KCNMB2: variants seen among roughly 807,000 people sequenced by gnomAD.
KCNMB2 encodes potassium calcium-activated channel subfamily M regulatory beta subunit 2, also known as calcium-activated potassium channel subunit beta-2.
In KCNMB2, 9 loss-of-function variants were observed where a neutral mutation model predicts 24.5. That is an observed-to-expected ratio of 0.37 (90% CI 0.22 to 0.64). The LOEUF (loss-of-function observed/expected upper bound fraction) is 0.64, where lower values mean the gene tolerates loss of function less well. KCNMB2 is among the 30% of genes least tolerant of loss of function. The pLI is 0.63. For synonymous variants in KCNMB2, 109 were observed against 104.4 expected, an observed-to-expected ratio of 1.04 and a Z score of -0.27; for missense variants, 226 against 284.3, an observed-to-expected ratio of 0.79 and a Z score of 1.47.
intron 1 of KCNMB2, among the ~76,000 whole-genome samples, chr3:178,807,104 C>A (rs1714000868): frequency 2.0e-5 from 3 of 152,136 alleles, no homozygotes; most frequent in Admixed American, 1.3e-4. Context: ...TCTCCTAAGG[C>A]AGTAATTCTC....
At chr3:178,838,402 C>T (rs1437503664) in intron 4 of KCNMB2, among the ~76,000 whole-genome samples, 1 of 152,140 alleles carries the variant, frequency 6.6e-6, no homozygotes, top group Non-Finnish European at 1.5e-5. Flanking sequence ...AATGTATTCA[C>T]ATTTATTCTT....
chr3:178,632,990 T>A lies in KCNMB2; in HGVS notation c.-68+96279T>A, dbSNP rs1719376770. On this transcript the variant is annotated intron_variant, in intron 1 of 4. Transcript: ENST00000452583. ...AGTCCAAAATCCAATAGGGCAATCA[T>A]TAAACCTTAAAGTTACAAAATGATC... Among the ~76,000 whole-genome samples, 4 of 152,320 alleles carry A rather than the reference T, an allele frequency of 2.6e-5. No homozygotes were observed. The South Asian group carries it at 8.3e-4, about 32-fold the overall frequency.
intron 1 of KCNMB2, among the ~76,000 whole-genome samples, chr3:178,759,249 A>C (rs114119477): frequency 0.19 from 20,444 of 108,558 alleles, 2,902 homozygotes; most frequent in Middle Eastern, 0.3. Context: ...ATATATATAT[A>C]TCTCTCCAAG....
At chr3:178,545,548 C>T (rs943395315) in intron 1 of KCNMB2, among the ~76,000 whole-genome samples, 4 of 152,184 alleles carry the variant, frequency 2.6e-5, no homozygotes, top group Non-Finnish European at 5.9e-5. Context: ...GAGAATCATT[C>T]CGGACATGCT....
chr3:178,838,011 C>T (rs1715295019), intron 4 of KCNMB2, among the ~76,000 whole-genome samples: 1 of 152,178 alleles, frequency 6.6e-6, no homozygotes, highest in African/African-American at 2.4e-5. Context: ...CTACTATAAA[C>T]TATCTTGGCA....
intron 1 of KCNMB2, among the ~76,000 whole-genome samples, chr3:178,658,994 T>TGG (rs1235846938): frequency 6.6e-6 from 1 of 152,220 alleles, no homozygotes; most frequent in East Asian, 1.9e-4. Flanking sequence ...TGCCTGAGCT[T>TGG]GGGCCTCAAC....
chr3:178,753,062 T>G (rs1198883859), intron 1 of KCNMB2, among the ~76,000 whole-genome samples: 1 of 152,200 alleles, frequency 6.6e-6, no homozygotes. Context: ...TGCTCAACTC[T>G]CTGATCAGGT....
At chr3:178,670,948 G>A (rs771380197) in intron 1 of KCNMB2, among the ~76,000 whole-genome samples, 41 of 152,184 alleles carry the variant, frequency 2.7e-4, no homozygotes, top group African/African-American at 7.9e-4. Context: ...GATTCTTCCC[G>A]CTGGAAGACG....
intron 1 of KCNMB2, among the ~76,000 whole-genome samples, chr3:178,764,346 T>C (rs928167047): frequency 6.6e-6 from 1 of 152,190 alleles, no homozygotes; most frequent in Non-Finnish European, 1.5e-5. Context: ...ATGAACTATA[T>C]AGGACATAGG....
chr3:178,577,430 C>G (rs1415346982), intron 1 of KCNMB2, among the ~76,000 whole-genome samples: 3 of 152,176 alleles, frequency 2.0e-5, no homozygotes, highest in African/African-American at 4.8e-5. Flanking sequence ...CTCAACAATT[C>G]TGAAAATTCC....
intron 1 of KCNMB2, among the ~76,000 whole-genome samples, chr3:178,796,856 C>A (rs1231023900): frequency 2.0e-5 from 3 of 151,656 alleles, no homozygotes; most frequent in Non-Finnish European, 4.4e-5. Flanking sequence ...AAAGCAGAAG[C>A]AAACCAAACC....
At chr3:178,614,247 TTATATA>T (rs776751246) in intron 1 of KCNMB2, among the ~76,000 whole-genome samples, 703 of 53,332 alleles carry the variant, frequency 0.013, 15 homozygotes, top group African/African-American at 0.03. Flanking sequence ...TGGGCTAATT[TTATATA>T]TATATATATA....
At chr3:178,586,133 A>G (rs1031239305) in intron 1 of KCNMB2, among the ~76,000 whole-genome samples, 1 of 152,210 alleles carries the variant, frequency 6.6e-6, no homozygotes. Context: ...CAACTGGGAT[A>G]AGCCCATGGA....
At chr3:178,605,291 G>A (rs891749068) in intron 1 of KCNMB2, among the ~76,000 whole-genome samples, 1 of 152,074 alleles carries the variant, frequency 6.6e-6, no homozygotes, top group African/African-American at 2.4e-5. Context: ...ATCTATCAGT[G>A]CTTTGATCTA....
intron 1 of KCNMB2, chr3:178,757,035 ATG>A (rs1724079401): frequency 6.6e-6 from 1 of 151,632 alleles, no homozygotes; most frequent in South Asian, 2.1e-4. Context: ...ATATATATAT[ATG>A]TATATTTCAG....
intron 1 of KCNMB2, among the ~76,000 whole-genome samples, chr3:178,691,889 T>C (rs1017817931): frequency 2.8e-5 from 2 of 72,238 alleles, no homozygotes; most frequent in Admixed American, 1.1e-4. Flanking sequence ...AATATTCCAT[T>C]TTTTTTCACA....
At chr3:178,576,618 C>T (rs1224700225) in intron 1 of KCNMB2, among the ~76,000 whole-genome samples, 1 of 152,184 alleles carries the variant, frequency 6.6e-6, no homozygotes, top group Non-Finnish European at 1.5e-5. Flanking sequence ...GCCAGCACAG[C>T]AGTCTGAAGT....
rs953274288 is a variant in KCNMB2 at position 178,599,101 on chromosome 3, G to A, written c.-68+62390G>A. 3.3e-5 allele frequency among the ~76,000 whole-genome samples: 5 copies of A among 152,116 alleles called. No individual in the cohort carries two copies. The South Asian group carries it at 6.2e-4, about 19-fold the overall frequency. ...CCAGCAGATGTGTGGAGAGTGGATC[G>A]AGAAAGGTGAAAACCAAGTAGAAGA... On this transcript the variant is annotated intron_variant, in intron 1 of 4. Transcript: ENST00000452583.
intron 1 of KCNMB2, among the ~76,000 whole-genome samples, chr3:178,550,002 C>G (rs1715895162): frequency 6.6e-6 from 1 of 151,974 alleles, no homozygotes; most frequent in African/African-American, 2.4e-5. Context: ...GACCAGTTAA[C>G]TTAAAGGAAA....
Sources: gnomAD v4.1 joint callset for allele counts (sites outside exome capture counted in the v4.1 genomes callset) on GRCh38, gnomAD v4.1.1 for gene constraint, MANE v1.5 for transcripts, NCBI Gene and HGNC (gene_info 2026-07-23, HGNC 2026-07-21) for gene names.